The following EPB41L2 variants were observed in gnomAD, a reference collection of about 807,000 sequenced individuals.
EPB41L2 encodes erythrocyte membrane protein band 4.1 like 2.
In EPB41L2, 43 loss-of-function variants were observed where a neutral mutation model predicts 113.0. The observed-to-expected ratio is 0.38, with a 90% CI of 0.30 to 0.49. EPB41L2 has a LOEUF of 0.49. Ranked by LOEUF, EPB41L2 falls within the 20% of genes least tolerant of loss-of-function variation. EPB41L2 has a pLI of 0.95. For synonymous variants in EPB41L2, 442 were observed against 436.7 expected (o/e 1.01, Z -0.15); for missense variants, 1,147 against 1,223.4 (o/e 0.94, Z 0.93).
intron 19 of EPB41L2, among the ~76,000 whole-genome samples, chr6:130,847,160 T>C (rs1777299524): frequency 2.0e-5 from 3 of 152,192 alleles, no homozygotes; most frequent in African/African-American, 7.2e-5. Context: ...CCCGACATCC[T>C]TCCCATTGTT....
At chr6:130,947,017 A>ACCCCCCCCCC (rs58960778) in intron 3 of EPB41L2, among the ~76,000 whole-genome samples, 10 of 112,028 alleles carry the variant, frequency 8.9e-5, no homozygotes, top group African/African-American at 2.3e-4. Context: ...AATAAAGAAG[A>ACCCCCCCCCC]CCCCCCCCCC....
intron 1 of EPB41L2, among the ~76,000 whole-genome samples, chr6:131,055,241 T>C (rs1047657574): frequency 2.6e-5 from 4 of 152,136 alleles, no homozygotes; most frequent in Non-Finnish European, 5.9e-5. Flanking sequence ...GAGAATGCCA[T>C]TTGCACTTTA....
chr6:130,889,673 GA>G (rs2128478584), intron 11 of EPB41L2, among the ~76,000 whole-genome samples: 1 of 152,128 alleles, frequency 6.6e-6, no homozygotes, highest in East Asian at 1.9e-4. Flanking sequence ...GCTACCATAC[GA>G]AAAAATCCTT....
At chr6:130,875,936 G>A (rs2128458995) in intron 14 of EPB41L2, among the ~76,000 whole-genome samples, 1 of 147,662 alleles carries the variant, frequency 6.8e-6, no homozygotes, top group East Asian at 2.0e-4. Context: ...AGTGAGCCAA[G>A]ATCATGCCAT....
At chr6:130,867,962 ACACACACACACTCTCT>A (rs1439834499) in intron 15 of EPB41L2, 25 of 162,100 alleles carry the variant, frequency 1.5e-4, no homozygotes, top group Non-Finnish European at 2.7e-4. Context: ...ACACACACAC[ACACACACACACTCTCT>A]CTCTCTCTCT....
Position 130,904,521 on chromosome 6 carries a change from A to C in EPB41L2, c.873T>G (p.Thr291=). Residue 291 remains threonine, a synonymous_variant, in exon 6 of 20, where the codon ACT becomes ACG. Transcript: ENST00000337057. ...RQLRNLPWLF[T]FNVKFYPPDP... is the part of the protein sequence containing the mutation. ...CAGGAGGATAAAACTTCACATTAAA[A>C]GTGAATAGCCATGGAAGGTCTGTAA... 6.2e-7 allele frequency: 1 copy of C among 1,604,954 alleles called. No individual in the cohort carries two copies. Among genetic ancestry groups the C allele is most frequent in the Non-Finnish European group, 8.5e-7 (1 of 1,173,304 alleles).
chr6:130,947,498 A>G lies in EPB41L2; in HGVS notation c.705+7607T>C, dbSNP rs190634989. Among the ~76,000 whole-genome samples, 67 of 152,358 alleles carry G rather than the reference A, an allele frequency of 4.4e-4. No homozygotes were observed. In the Middle Eastern group the frequency reaches 0.014, roughly 31 times the overall value. On this transcript the variant is annotated intron_variant, in intron 3 of 19. Coordinates refer to ENST00000337057, the MANE Select transcript of EPB41L2 (RefSeq NM_001431.4). ...AAACAAATCTATTCTCTCAAACCAA[A>G]TACAAGTATTTCTTTCCCATATTCT...
At chr6:131,038,419 G>A (rs886818923) in intron 1 of EPB41L2, among the ~76,000 whole-genome samples, 1 of 151,970 alleles carries the variant, frequency 6.6e-6, no homozygotes, top group East Asian at 1.9e-4. Flanking sequence ...TCACCATCTG[G>A]AAAATTCATA....
At chr6:130,894,575 A>T in intron 9 of EPB41L2, 134 bp from the exon 10 acceptor site, 3 of 715,198 alleles carry the variant, frequency 4.2e-6, no homozygotes, top group Non-Finnish European at 6.9e-6. Flanking sequence ...CATATCTAAT[A>T]TAATCATATA....
In EPB41L2 at chr6:130,921,317, GA is replaced by G. The variant is rs567233089; in HGVS notation, c.810+5287del. Among the ~76,000 whole-genome samples, 310 of 152,214 alleles carry G rather than the reference GA, an allele frequency of 2.0e-3. 1 individual carries two copies. The highest frequency in any genetic ancestry group is 3.3e-3 in the Non-Finnish European group (226 of 68,014). ...CTCAGCATGAGATACAAGATCCAAA[GA>G]ATGATATTTGCTTATTTTTCCAGCT... is the stretch of plus-strand genomic sequence containing the variant. On this transcript the variant is annotated intron_variant, in intron 4 of 19. Coordinates refer to ENST00000337057, the MANE Select transcript of EPB41L2 (RefSeq NM_001431.4).
At chr6:130,878,629 T>C (rs1214850658) in intron 13 of EPB41L2, 1 of 175,936 alleles carries the variant, frequency 5.7e-6, no homozygotes, top group Non-Finnish European at 1.2e-5. Flanking sequence ...ATGACTTTGT[T>C]CCAGCAAATT....
rs914443495 is a variant in EPB41L2 at position 130,957,078 on chromosome 6, C to T, written c.-14-579G>A. 2.0e-5 allele frequency among the ~76,000 whole-genome samples: 3 copies of T among 152,236 alleles called. No homozygotes were observed. The South Asian group carries it at 6.2e-4, about 32-fold the overall frequency. ...ATTATTCTGTGTTCCAATATTAAAT[C>T]CCGTAATTCACCATCACTGTTCCAA... is the stretch of plus-strand genomic sequence containing the variant. On this transcript the variant is annotated intron_variant, in intron 1 of 19. Transcript: ENST00000337057.
chr6:130,886,748 C>T (rs1791128380), intron 11 of EPB41L2, among the ~76,000 whole-genome samples: 1 of 152,142 alleles, frequency 6.6e-6, no homozygotes, highest in South Asian at 2.1e-4. Flanking sequence ...ATTCTCCTGC[C>T]TCAGCCTCCT....
At chr6:131,018,866 T>C (rs369712466) in intron 1 of EPB41L2, among the ~76,000 whole-genome samples, 34 of 152,356 alleles carry the variant, frequency 2.2e-4, no homozygotes, top group African/African-American at 7.7e-4. Flanking sequence ...ATTAAGTTTC[T>C]AGGCTTGTAT....
intron 6 of EPB41L2, among the ~76,000 whole-genome samples, chr6:130,903,125 A>G (rs1267569802): frequency 6.6e-6 from 1 of 152,170 alleles, no homozygotes; most frequent in African/African-American, 2.4e-5. Context: ...CTGATGCTAC[A>G]AACTTGCAAT....
intron 1 of EPB41L2, among the ~76,000 whole-genome samples, chr6:130,965,239 A>G (rs1298051640): frequency 6.6e-6 from 1 of 152,206 alleles, no homozygotes; most frequent in Non-Finnish European, 1.5e-5. Context: ...GACATAGGTA[A>G]TAAGATTAGC....
chr6:130,988,106 A>G (rs1248844057), intron 1 of EPB41L2, among the ~76,000 whole-genome samples: 2 of 152,120 alleles, frequency 1.3e-5, no homozygotes, highest in Non-Finnish European at 2.9e-5. Context: ...ACAGAGCAAG[A>G]CCCTGTCTCA....
intron 4 of EPB41L2, 28 bp downstream of exon 4, chr6:130,926,577 A>G (rs767704959): frequency 6.8e-7 from 1 of 1,465,296 alleles, no homozygotes; most frequent in Non-Finnish European, 9.4e-7. Context: ...TGTTCTAAAA[A>G]GATAAAAATA....
In EPB41L2 at chr6:131,016,128, CTA is replaced by C. The variant is rs151120279; in HGVS notation, c.-15+47025_-15+47026del. 0.011 allele frequency among the ~76,000 whole-genome samples: 1,669 copies of C among 152,226 alleles called. 163 individuals carry two copies. The East Asian group carries it at 0.25, about 23-fold the overall frequency. Reference sequence around the variant, plus strand: ...AGTAGCTTGTGGCTAAAGAAATCTTCTATGAGAAGAGAACTGTAACTTCCAAG... The same window carrying C: ...AGTAGCTTGTGGCTAAAGAAATCTTCTGAGAAGAGAACTGTAACTTCCAAG... On this transcript the variant is annotated intron_variant, in intron 1 of 19. Coordinates refer to ENST00000337057, the MANE Select transcript of EPB41L2 (RefSeq NM_001431.4).
Sources: gnomAD v4.1 joint callset for allele counts (sites outside exome capture counted in the v4.1 genomes callset) on GRCh38, gnomAD v4.1.1 for gene constraint, MANE v1.5 for transcripts, NCBI Gene and HGNC (gene_info 2026-07-23, HGNC 2026-07-21) for gene names.